The following SRBD1 variants were observed in gnomAD, a reference collection of about 807,000 sequenced individuals.
SRBD1 encodes the protein S1 RNA-binding domain-containing protein 1.
SRBD1 carries 88 observed loss-of-function variants against 115.3 expected under a neutral mutation model. That is an observed-to-expected ratio of 0.76 (90% CI 0.64 to 0.91). The LOEUF (loss-of-function observed/expected upper bound fraction) is 0.91. Among genes scored for constraint, SRBD1 ranks in the 40% least tolerant of loss-of-function variants. The pLI is 0.00. For missense variants in SRBD1, 1,385 were observed against 1,177.4 expected, an observed-to-expected ratio of 1.18 and a Z score of -2.58; for synonymous variants, 509 against 407.7, an observed-to-expected ratio of 1.25 and a Z score of -2.99.
intron 4 of SRBD1, among the ~76,000 whole-genome samples, chr2:45,587,201 A>G (rs1432599913): frequency 7.2e-6 from 1 of 139,112 alleles, no homozygotes; most frequent in Non-Finnish European, 1.6e-5. Context: ...TTAAATATTT[A>G]ATTATTTTAA....
rs545920090 is a variant in SRBD1, at chr2:45,418,328, G to C, written c.2333+37C>G. 13 of 1,598,276 alleles carry C rather than the reference G, an allele frequency of 8.1e-6. No homozygotes were observed. In the Admixed American group the frequency reaches 1.4e-4, roughly 17 times the overall value. ...GATAGGTAACAGTAACAAGAGAGGA[G>C]GTTGACAATAGAATCAAAGTGTATA... On this transcript the variant is annotated intron_variant, in intron 18 of 20. Transcript: ENST00000263736.
chr2:45,396,059 T>C (rs1376762855), intron 19 of SRBD1, among the ~76,000 whole-genome samples: 3 of 152,050 alleles, frequency 2.0e-5, no homozygotes, highest in Admixed American at 2.0e-4. Flanking sequence ...CTGTCAGACA[T>C]TGTTCTAAAT....
At position 45,607,285 on chromosome 2, in the gene SRBD1, C is replaced by A. The variant is rs375855329; in HGVS notation, c.1-1844G>T. ...ACAAGGGTGGCATTTAAAATCAGGG[C>A]AGGGTAAAAATGGATTATTCAATAA... On this transcript the variant is annotated intron_variant, in intron 1 of 20. Transcript: ENST00000263736. Among the ~76,000 whole-genome samples the A allele has an allele frequency of 3.3e-5, 5 of 152,154 alleles. No homozygotes were observed. In the East Asian group the frequency reaches 5.8e-4, roughly 18 times the overall value.
intron 15 of SRBD1, 63 bp downstream of exon 15, chr2:45,488,177 T>G (rs570308121): frequency 7.3e-7 from 1 of 1,376,980 alleles, no homozygotes; most frequent in African/African-American, 1.4e-5. Context: ...ATATTTAGCA[T>G]GCCACACATG....
At chr2:45,403,716 A>G (rs1413847298) in intron 19 of SRBD1, among the ~76,000 whole-genome samples, 1 of 152,092 alleles carries the variant, frequency 6.6e-6, no homozygotes, top group African/African-American at 2.4e-5. Context: ...CTCCTTTTTG[A>G]CCATCTGAGC....
intron 4 of SRBD1, among the ~76,000 whole-genome samples, chr2:45,596,833 A>G (rs1422065507): frequency 6.6e-6 from 1 of 152,086 alleles, no homozygotes; most frequent in Non-Finnish European, 1.5e-5. Flanking sequence ...CATCACCTAG[A>G]TTTATAAATT....
rs117071395 is a variant in SRBD1, at chr2:45,418,939, T to C, written c.2157-398A>G. On this transcript the variant is annotated intron_variant, in intron 17 of 20. Transcript: ENST00000263736. ...GAAGAAGTTATAATAGCTACAACTG[T>C]GTTGTACTACCTTTTTTGTGTGTTA... is the stretch of plus-strand genomic sequence containing the variant. 3.5e-4 allele frequency among the ~76,000 whole-genome samples: 54 copies of C among 152,328 alleles called. 1 individual carries two copies. The East Asian group carries it at 0.01, about 29-fold the overall frequency.
At chr2:45,410,814 A>G (rs1393730095) in intron 19 of SRBD1, among the ~76,000 whole-genome samples, 6 of 152,144 alleles carry the variant, frequency 3.9e-5, no homozygotes. Flanking sequence ...GGTTCCAATG[A>G]GCTTCTAGAT....
Position 45,557,601 on chromosome 2 carries a change from C to T in SRBD1, c.1410-3871G>A, listed in dbSNP as rs181166709. ...TAGACCCAGCCCTGAAAGAGAACAG[C>T]TACATTCATTTCCTACATTATAGAA... On this transcript the variant is annotated intron_variant, in intron 10 of 20. Coordinates refer to ENST00000263736, the MANE Select transcript of SRBD1 (RefSeq NM_018079.5). Among the ~76,000 whole-genome samples the T allele has an allele frequency of 1.8e-3, 278 of 152,314 alleles. 2 individuals carry two copies. Among genetic ancestry groups the T allele is most frequent in the African/African-American group, 6.4e-3 (266 of 41,556 alleles).
chr2:45,455,885 T>C (rs1305386855), intron 16 of SRBD1, among the ~76,000 whole-genome samples: 1 of 151,912 alleles, frequency 6.6e-6, no homozygotes, highest in Admixed American at 6.6e-5. Flanking sequence ...TTGAAAGCTA[T>C]TGCCACAAAG....
At position 45,432,003 on chromosome 2, in the gene SRBD1, GTATTTATTTATTTATT is replaced by G. The variant is rs3047186; in HGVS notation, c.2050-12125_2050-12110del. On this transcript the variant is annotated intron_variant, in intron 16 of 20. Coordinates refer to ENST00000263736, the MANE Select transcript of SRBD1 (RefSeq NM_018079.5). ...TTAGGAAAGTACTAAAGAGTTAAAAGTATTTATTTATTTATTTATTTATTTATTTATTTATTTATTT... is the reference window on the plus strand; with the variant it reads ...TTAGGAAAGTACTAAAGAGTTAAAAGTATTTATTTATTTATTTATTTATTT... Among the ~76,000 whole-genome samples, 1,319 of 142,932 alleles carry G rather than the reference GTATTTATTTATTTATT, an allele frequency of 9.2e-3. 6 individuals carry two copies. Among genetic ancestry groups the G allele is most frequent in the Non-Finnish European group, 0.014 (938 of 65,992 alleles). The allele number at this position is 142,932 out of a possible 152,430, so 93.8% of individuals were successfully genotyped here.
intron 7 of SRBD1, among the ~76,000 whole-genome samples, chr2:45,578,982 A>T (rs1477244709): frequency 1.3e-5 from 2 of 152,162 alleles, no homozygotes; most frequent in Non-Finnish European, 2.9e-5. Flanking sequence ...CATGTTGCAC[A>T]TGTTAACTAT....
rs940986758 is a variant in SRBD1 at position 45,477,047 on chromosome 2, T to A, written c.1995A>T (p.Pro665=). Reference sequence around the variant, plus strand: ...GCTCAATTTTCACTAGCTCAGCTAATGGATCTTGTACACGCCTTGCTATGG... The same window carrying A: ...GCTCAATTTTCACTAGCTCAGCTAAAGGATCTTGTACACGCCTTGCTATGG... ...AVSIARRVQD[P]LAELVKIEPK... is the part of the protein sequence containing the mutation. The change falls in exon 16 of 21, where the codon CCA becomes CCT. Residue 665 remains proline (P), a synonymous_variant. Coordinates refer to ENST00000263736, the MANE Select transcript of SRBD1 (RefSeq NM_018079.5). 3 of 1,613,814 alleles carry A rather than the reference T, an allele frequency of 1.9e-6. No homozygotes were observed. In the East Asian group the frequency reaches 6.7e-5, roughly 36 times the overall value.
intron 14 of SRBD1, among the ~76,000 whole-genome samples, chr2:45,544,989 C>A (rs527403174): frequency 6.6e-6 from 1 of 151,938 alleles, no homozygotes; most frequent in South Asian, 2.1e-4. Context: ...ATGATTAAAA[C>A]AAAAGATGAG....
chr2:45,487,397 G>A (rs1056981339), intron 15 of SRBD1, among the ~76,000 whole-genome samples: 1 of 151,986 alleles, frequency 6.6e-6, no homozygotes, highest in Non-Finnish European at 1.5e-5. Flanking sequence ...CCACATTATA[G>A]AAATCAAAGC....
chr2:45,510,789 A>G lies in SRBD1; in HGVS notation c.1875-22458T>C, dbSNP rs570602911. 3.3e-5 allele frequency among the ~76,000 whole-genome samples: 5 copies of G among 152,266 alleles called. No individual in the cohort carries two copies. The South Asian group carries it at 1.0e-3, about 32-fold the overall frequency. ...GTCGGGCCTTTTAACAGTACAAGAA[A>G]TTTTTTTTCTATTGATATGTAAAAT... On this transcript the variant is annotated intron_variant, in intron 14 of 20. Coordinates refer to ENST00000263736, the MANE Select transcript of SRBD1 (RefSeq NM_018079.5).
rs574899318 is a variant in SRBD1 at position 45,516,537 on chromosome 2, T to C, written c.1875-28206A>G. Among the ~76,000 whole-genome samples the C allele has an allele frequency of 1.4e-4, 21 of 152,372 alleles. No homozygotes were observed. The South Asian group carries it at 1.4e-3, about 11-fold the overall frequency. ...ACACACACAACAGATATATCTGGAA[T>C]AGTGTTCACCAATACAATAATGATT... On this transcript the variant is annotated intron_variant, in intron 14 of 20. Coordinates refer to ENST00000263736, the MANE Select transcript of SRBD1 (RefSeq NM_018079.5).
chr2:45,596,249 T>G (rs1038120461), intron 4 of SRBD1, among the ~76,000 whole-genome samples: 14 of 152,214 alleles, frequency 9.2e-5, no homozygotes, highest in African/African-American at 3.1e-4. Flanking sequence ...TCGCTCATCA[T>G]ACACTTGTCC....
At chr2:45,609,966 A>C (rs1178805419) in intron 1 of SRBD1, among the ~76,000 whole-genome samples, 1 of 152,222 alleles carries the variant, frequency 6.6e-6, no homozygotes, top group Non-Finnish European at 1.5e-5. Flanking sequence ...AATGAACATA[A>C]TATGTACAAA....
Sources: allele counts gnomAD v4.1 joint callset (sites outside exome capture counted in the v4.1 genomes callset), GRCh38; gene constraint gnomAD v4.1.1; transcripts MANE v1.5; gene names NCBI Gene and HGNC (gene_info 2026-07-23, HGNC 2026-07-21).